The following ZHX2 variants were observed in gnomAD, a reference collection of about 807,000 sequenced individuals.
ZHX2 encodes zinc fingers and homeoboxes 2, also known as zinc fingers and homeoboxes protein 2.
A neutral mutation model predicts 21.9 loss-of-function variants in ZHX2; 6 were observed. The ratio of observed to expected loss-of-function variants is 0.27; its 90% CI spans 0.15 to 0.54. The LOEUF (loss-of-function observed/expected upper bound fraction) is 0.54, where lower values mean the gene tolerates loss of function less well. Ranked by LOEUF, ZHX2 falls within the 20% of genes least tolerant of loss-of-function variation. ZHX2 has a pLI of 0.95. For synonymous variants in ZHX2, 434 were observed against 437.1 expected, an observed-to-expected ratio of 0.99 and a Z score of 0.09; for missense variants, 908 against 1,090.7, an observed-to-expected ratio of 0.83 and a Z score of 2.36.
At position 122,951,963 on chromosome 8, in the gene ZHX2, C is replaced by A. The variant is rs200717446; in HGVS notation, c.453C>A (p.Val151=). Reference sequence around the variant, plus strand: ...TAATTAAACGCAATAATCAAACTGTCTTGGAACAGTCCATCGAAACCACCA... The same window carrying A: ...TAATTAAACGCAATAATCAAACTGTATTGGAACAGTCCATCGAAACCACCA... The part of the protein sequence containing the change: ...LKLIKRNNQT[V]LEQSIETTNH... The change falls in exon 3 of 4, where the codon GTC becomes GTA. Residue 151 remains valine, a synonymous_variant. Coordinates refer to ENST00000314393, the MANE Select transcript of ZHX2 (RefSeq NM_014943.5). 1.3e-4 allele frequency: 208 copies of A among 1,613,856 alleles called. 1 individual carries two copies. The highest frequency in any genetic ancestry group is 2.7e-4 in the Admixed American group (16 of 59,972).
chr8:122,875,129 TTATATATATATATATATATATATATATA>T (rs71310631), intron 2 of ZHX2, among the ~76,000 whole-genome samples: 150 of 10,226 alleles, frequency 0.015, 6 homozygotes, highest in South Asian at 0.042. Flanking sequence ...GAAAACTCTG[TTATATATATATATATATATATATATATA>T]TATATATATA....
At chr8:122,863,637 C>G (rs1819220232) in intron 2 of ZHX2, 98 bp downstream of exon 2, 1 of 152,892 alleles carries the variant, frequency 6.5e-6, no homozygotes, top group South Asian at 2.1e-4. Flanking sequence ...GCTCTGGCAG[C>G]TCTGAAACTG....
intron 1 of ZHX2, among the ~76,000 whole-genome samples, chr8:122,851,201 TG>T (rs1818889132): frequency 6.6e-6 from 1 of 152,104 alleles, no homozygotes; most frequent in Non-Finnish European, 1.5e-5. Flanking sequence ...CCAAGATTTA[TG>T]GATAAAATGA....
chr8:122,951,136 T>G (rs533719958), intron 2 of ZHX2, among the ~76,000 whole-genome samples, 156 bp from the exon 3 acceptor site: 1 of 152,278 alleles, frequency 6.6e-6, no homozygotes, highest in African/African-American at 2.4e-5. Flanking sequence ...AAGAATGTGA[T>G]TTTTCGTGTT....
At chr8:122,966,527 G>C (rs1014708087) in intron 3 of ZHX2, among the ~76,000 whole-genome samples, 1 of 152,166 alleles carries the variant, frequency 6.6e-6, no homozygotes, top group African/African-American at 2.4e-5. Flanking sequence ...AATCTGCTGT[G>C]AATCTGATAG....
chr8:122,878,115 C>A (rs768861371), intron 2 of ZHX2, among the ~76,000 whole-genome samples: 2 of 151,734 alleles, frequency 1.3e-5, no homozygotes, highest in Non-Finnish European at 2.9e-5. Context: ...ACATTTCTTG[C>A]CAGTACCTCC....
At chr8:122,929,371 T>C (rs1160340851) in intron 2 of ZHX2, among the ~76,000 whole-genome samples, 1 of 152,110 alleles carries the variant, frequency 6.6e-6, no homozygotes, top group East Asian at 1.9e-4. Context: ...TCTTGGAACA[T>C]TAGGACTGAC....
rs1817300951 is a variant in ZHX2 at position 122,782,130 on chromosome 8, G to GA, written c.-283+184_-283+185insA. On this transcript the variant is annotated intron_variant, in intron 1 of 3. Transcript: ENST00000314393. The surrounding 1 kb of genome is among the most constrained non-coding windows in gnomAD (Gnocchi z 5.3). ...GATTGGAAGGGGGGTACGGAAGGGG[G>GA]GGGGTGTGCAGGCTCTTTTTGCGGG... Among the ~76,000 whole-genome samples the GA allele has an allele frequency of 6.8e-6, 1 of 147,478 alleles. No individual in the cohort carries two copies. The highest frequency in any genetic ancestry group is 2.4e-5 in the African/African-American group (1 of 40,818).
chr8:122,929,258 A>G (rs553961340), intron 2 of ZHX2, among the ~76,000 whole-genome samples: 1 of 152,296 alleles, frequency 6.6e-6, no homozygotes, highest in African/African-American at 2.4e-5. Flanking sequence ...AGACTTGCTC[A>G]TTCCATCAGC....
intron 1 of ZHX2, among the ~76,000 whole-genome samples, chr8:122,827,037 T>G (rs1818277824): frequency 6.6e-6 from 1 of 152,130 alleles, no homozygotes; most frequent in South Asian, 2.1e-4. Flanking sequence ...TTATTTTTAT[T>G]TTATTTTCAG....
In ZHX2 at chr8:122,952,418, A is replaced by G. The variant is rs749308933; in HGVS notation, c.908A>G (p.Glu303Gly). 2 of 1,614,202 alleles carry G rather than the reference A, an allele frequency of 1.2e-6. No homozygotes were observed. The highest frequency in any genetic ancestry group is 1.7e-6 in the Non-Finnish European group (2 of 1,180,042). Residue 303 changes from glutamate to glycine, a missense_variant, in exon 3 of 4, where the codon GAG becomes GGG. Around this residue, in one of 4 missense-constraint regions of ZHX2, gnomAD observed 232 missense variants for 361.8 expected, o/e 0.64. Coordinates refer to ENST00000314393, the MANE Select transcript of ZHX2 (RefSeq NM_014943.5). The surrounding 1 kb of genome is among the most constrained non-coding windows in gnomAD (Gnocchi z 6.9). Reference protein sequence around the residue: ...SWLTAASKHPEEHIRIWFATQ... With the variant: ...SWLTAASKHPGEHIRIWFATQ... ...CTGACAGCTGCCTCCAAACACCCAG[A>G]GGAGCACATCAGAATCTGGTTTGCC...
chr8:122,867,978 C>A (rs1273292610), intron 2 of ZHX2, among the ~76,000 whole-genome samples: 2 of 152,086 alleles, frequency 1.3e-5, no homozygotes, highest in African/African-American at 4.8e-5. Flanking sequence ...TGGGAAATGT[C>A]CACTTAATTC....
intron 1 of ZHX2, among the ~76,000 whole-genome samples, chr8:122,784,970 A>T: frequency 6.6e-6 from 1 of 152,232 alleles, no homozygotes; most frequent in Non-Finnish European, 1.5e-5. Context: ...CATGCTCCAG[A>T]CATTATGGAG....
intron 2 of ZHX2, among the ~76,000 whole-genome samples, chr8:122,912,179 T>C (rs568346883): frequency 1.3e-5 from 2 of 152,320 alleles, no homozygotes; most frequent in South Asian, 4.1e-4. Flanking sequence ...AATGTCATGC[T>C]TTTCCAGTGT....
chr8:122,845,626 T>C (rs1223105147), intron 1 of ZHX2, among the ~76,000 whole-genome samples: 1 of 152,224 alleles, frequency 6.6e-6, no homozygotes, highest in African/African-American at 2.4e-5. Flanking sequence ...AACAAGAGTG[T>C]GAACACAAAA....
chr8:122,953,878 G>C lies in ZHX2; in HGVS notation c.2368G>C (p.Val790Leu). 6.2e-7 allele frequency: 1 copy of C among 1,614,200 alleles called. No individual in the cohort carries two copies. The highest frequency in any genetic ancestry group is 8.5e-7 in the Non-Finnish European group (1 of 1,180,024). ...TAGCGACGAGAACGAGGAGTCGAGC[G>C]TTGTGGATTACGTGGAGGTGACGGT... ...QGSDENEESS[V>L]VDYVEVTVGE... The change falls in exon 3 of 4, where the codon GTT (valine) becomes CTT (leucine). Residue 790 changes from valine to leucine, a missense_variant. Around this residue, in one of 4 missense-constraint regions of ZHX2, gnomAD observed 431 missense variants for 428.6 expected, o/e 1.01. Transcript: ENST00000314393. This position sits in a 1 kb window ranked among gnomAD's most constrained non-coding sequence, Gnocchi z 4.6.
chr8:122,901,986 G>T lies in ZHX2; in HGVS notation c.-220+38447G>T, dbSNP rs184784458. Reference sequence around the variant, plus strand: ...ACTGTAGCCCTTGAATTTGTATTCTGCCTTTTTTTCAGAAGCCCCAGTCCT... The same window carrying T: ...ACTGTAGCCCTTGAATTTGTATTCTTCCTTTTTTTCAGAAGCCCCAGTCCT... On this transcript the variant is annotated intron_variant, in intron 2 of 3. Transcript: ENST00000314393. Among the ~76,000 whole-genome samples, 520 of 151,838 alleles carry T rather than the reference G, an allele frequency of 3.4e-3. 3 individuals carry two copies. Among genetic ancestry groups the T allele is most frequent in the African/African-American group, 0.012 (506 of 41,342 alleles).
chr8:122,939,243 G>T (rs578070309), intron 2 of ZHX2, among the ~76,000 whole-genome samples: 1 of 152,308 alleles, frequency 6.6e-6, no homozygotes, highest in East Asian at 1.9e-4. Flanking sequence ...TCAAAGGATT[G>T]GTGGAACATG....
At chr8:122,826,376 G>A (rs1201638078) in intron 1 of ZHX2, among the ~76,000 whole-genome samples, 1 of 152,166 alleles carries the variant, frequency 6.6e-6, no homozygotes, top group African/African-American at 2.4e-5. Context: ...GTACCAGGCG[G>A]GGGCATATTT....
Sources: allele counts gnomAD v4.1 joint callset (sites outside exome capture counted in the v4.1 genomes callset), GRCh38; gene constraint gnomAD v4.1.1; regional missense constraint gnomAD v4.1.1; non-coding constraint Gnocchi (gnomAD v3.1); transcripts MANE v1.5; gene names NCBI Gene and HGNC (gene_info 2026-07-23, HGNC 2026-07-21).